The following PTK2 variants were observed in gnomAD, a reference collection of about 807,000 sequenced individuals.
PTK2 encodes the protein protein tyrosine kinase 2, also known as focal adhesion kinase 1.
PTK2 carries 45 observed loss-of-function variants against 150.1 expected under a neutral mutation model. The observed-to-expected ratio is 0.30, with a 90% confidence interval of 0.24 to 0.38. The LOEUF is 0.38. Ranked by LOEUF, PTK2 falls within the 10% of genes least tolerant of loss-of-function variation. The pLI, the probability that PTK2 is intolerant of heterozygous loss-of-function variation, is 1.00. For synonymous variants in PTK2, 432 were observed against 449.2 expected, an observed-to-expected ratio of 0.96 and a Z score of 0.48; for missense variants, 919 against 1,307.3, an observed-to-expected ratio of 0.70 and a Z score of 4.58.
At chr8:140,747,681 A>AGG (rs2100060053) in intron 17 of PTK2, among the ~76,000 whole-genome samples, 1 of 67,410 alleles carries the variant, frequency 1.5e-5, no homozygotes, top group African/African-American at 6.1e-5. Context: ...GGGAGAAGGA[A>AGG]GGGGAGGAGG....
chr8:140,789,525 A>G, exon 14 of PTK2: 2 of 1,612,676 alleles, frequency 1.2e-6, no homozygotes, highest in South Asian at 1.1e-5. Flanking sequence ...CTGTTGGCCA[A>G]CCTGTGACAG....
chr8:140,911,827 C>CT (rs1214156608), intron 2 of PTK2, among the ~76,000 whole-genome samples: 1 of 152,076 alleles, frequency 6.6e-6, no homozygotes, highest in Non-Finnish European at 1.5e-5. Flanking sequence ...ACACCAGTAC[C>CT]TTGATAAGAA....
At chr8:140,992,443 C>G (rs1030183469) in intron 1 of PTK2, among the ~76,000 whole-genome samples, 8 of 152,170 alleles carry the variant, frequency 5.3e-5, no homozygotes, top group Non-Finnish European at 1.0e-4. Flanking sequence ...GCACTCCAGC[C>G]TGTGCCACAG....
In PTK2 at chr8:140,865,156, G is replaced by T. The variant is rs372170124; in HGVS notation, c.363-757C>A. On this transcript the variant is annotated intron_variant, in intron 4 of 31. Transcript: ENST00000522684. Reference sequence around the variant, plus strand: ...GGTGATTTTAATTGGCATTTCTTTGGTAAGTAATGAAAGTGAATACTTTCA... The same window carrying T: ...GGTGATTTTAATTGGCATTTCTTTGTTAAGTAATGAAAGTGAATACTTTCA... 2.6e-4 allele frequency among the ~76,000 whole-genome samples: 40 copies of T among 152,274 alleles called. 2 individuals are homozygous for T. The highest frequency in any genetic ancestry group is 9.4e-4 in the African/African-American group (39 of 41,540).
intron 1 of PTK2, among the ~76,000 whole-genome samples, chr8:140,987,170 G>GA (rs751207194): frequency 7.9e-5 from 12 of 151,978 alleles, no homozygotes; most frequent in African/African-American, 2.9e-4. Flanking sequence ...AAAAATGGAG[G>GA]AAAAAAACAC....
rs116196934 is a variant in PTK2 at position 140,680,795 on chromosome 8, C to T, written c.2563-5296G>A. ...TGGCTGATAATGCAACCTTCTTGCT[C>T]GTGAACTAAAGAATGTCAGCCACTG... On this transcript the variant is annotated intron_variant, in intron 27 of 31. Transcript: ENST00000522684. 4.5e-3 allele frequency among the ~76,000 whole-genome samples: 683 copies of T among 152,206 alleles called. 2 individuals are homozygous for T. Among genetic ancestry groups the T allele is most frequent in the African/African-American group, 0.015 (640 of 41,534 alleles).
At chr8:140,818,352 T>C (rs368304175) in exon 10 of PTK2, 2 of 1,613,456 alleles carry the variant, frequency 1.2e-6, no homozygotes, top group African/African-American at 2.7e-5. Context: ...TAATCCAGCT[T>C]GACTTTTGAA....
chr8:140,850,789 T>A (rs2100128846), intron 5 of PTK2, among the ~76,000 whole-genome samples: 1 of 152,170 alleles, frequency 6.6e-6, no homozygotes, highest in South Asian at 2.1e-4. Flanking sequence ...GTGCAAGTAT[T>A]GTATTTGTAT....
chr8:140,946,871 A>G (rs1243910616), intron 1 of PTK2, among the ~76,000 whole-genome samples: 1 of 152,192 alleles, frequency 6.6e-6, no homozygotes, highest in African/African-American at 2.4e-5. Flanking sequence ...AGCACTTAGT[A>G]AAAGTTCAAC....
chr8:140,916,495 T>C lies in PTK2; in HGVS notation c.-33+9166A>G, dbSNP rs113619057. On this transcript the variant is annotated intron_variant, in intron 2 of 31. Transcript: ENST00000522684. ...CTAACTCCCATATTTCCTTCAGGTC[T>C]TCAATAAAATGCACCTTTTCAATGC... 2.6e-3 allele frequency among the ~76,000 whole-genome samples: 390 copies of C among 152,340 alleles called. 3 individuals carry two copies. The highest frequency in any genetic ancestry group is 8.9e-3 in the African/African-American group (369 of 41,576).
rs943309020 is a variant in PTK2, at chr8:140,749,088, G to C, written c.1418-2228C>G. 1.2e-4 allele frequency among the ~76,000 whole-genome samples: 18 copies of C among 152,174 alleles called. 1 individual carries two copies. The highest frequency in any genetic ancestry group is 4.1e-4 in the African/African-American group (17 of 41,444). ...GCAAAACAATATTAGTGGGTGTTCT[G>C]TCTAGCTCACTTATGTGTTTTACAA... On this transcript the variant is annotated intron_variant, in intron 17 of 31. Coordinates refer to ENST00000522684, the Ensembl canonical transcript of PTK2.
intron 26 of PTK2, among the ~76,000 whole-genome samples, chr8:140,700,587 G>A (rs960121954): frequency 1.3e-5 from 2 of 151,580 alleles, no homozygotes; most frequent in African/African-American, 2.4e-5. Flanking sequence ...GGGTTCAGGC[G>A]ATTCTCCTGC....
At chr8:140,995,060 G>C (rs144145333) in intron 1 of PTK2, among the ~76,000 whole-genome samples, 84 of 145,518 alleles carry the variant, frequency 5.8e-4, no homozygotes, top group African/African-American at 2.0e-3. Flanking sequence ...TCCATCCTGG[G>C]CAACAAGAGT....
At chr8:140,812,034 A>G (rs545138474) in intron 10 of PTK2, among the ~76,000 whole-genome samples, 2 of 152,326 alleles carry the variant, frequency 1.3e-5, no homozygotes, top group East Asian at 3.9e-4. Flanking sequence ...TAGCTAGAGA[A>G]GTCAACATTC....
intron 8 of PTK2, among the ~76,000 whole-genome samples, chr8:140,819,585 A>C (rs2100106926): frequency 6.6e-6 from 1 of 152,212 alleles, no homozygotes; most frequent in African/African-American, 2.4e-5. Context: ...CTCAACCAAC[A>C]TTCTATGCAG....
chr8:140,747,699 AGGAGGAGGGG>A (rs1379580919), intron 17 of PTK2, among the ~76,000 whole-genome samples: 7 of 54,596 alleles, frequency 1.3e-4, no homozygotes, highest in African/African-American at 5.4e-4. Flanking sequence ...AGGAGGAGGG[AGGAGGAGGGG>A]GAGGAAGGGA....
At chr8:140,852,121 A>G (rs962284413) in intron 5 of PTK2, among the ~76,000 whole-genome samples, 2 of 152,232 alleles carry the variant, frequency 1.3e-5, no homozygotes, top group Admixed American at 6.5e-5. Context: ...TCAATTCTCA[A>G]TATTAAATTC....
At chr8:140,933,540 G>A (rs1173289054) in intron 1 of PTK2, among the ~76,000 whole-genome samples, 1 of 152,206 alleles carries the variant, frequency 6.6e-6, no homozygotes, top group African/African-American at 2.4e-5. Context: ...GTATAAAGGT[G>A]TATTTATTGT....
intron 31 of PTK2, among the ~76,000 whole-genome samples, 189 bp from the exon 36 acceptor site, chr8:140,659,867 T>G (rs1282576605): frequency 6.6e-6 from 1 of 152,212 alleles, no homozygotes; most frequent in Admixed American, 6.5e-5. Context: ...AATGAACTTT[T>G]CAGGGAATTT....
Sources: allele counts gnomAD v4.1 joint callset (sites outside exome capture counted in the v4.1 genomes callset), GRCh38; gene constraint gnomAD v4.1.1; transcripts MANE v1.5; gene names NCBI Gene and HGNC (gene_info 2026-07-23, HGNC 2026-07-21).